SEMA6D: variants seen among roughly 807,000 people sequenced by gnomAD.
SEMA6D encodes semaphorin 6D.
Under a neutral mutation model 106.6 loss-of-function variants are expected in SEMA6D, and 35 were observed. That is an observed-to-expected ratio of 0.33 (90% confidence interval 0.25 to 0.44). The LOEUF (loss-of-function observed/expected upper bound fraction) is 0.44. SEMA6D is among the 20% of genes least tolerant of loss of function. The pLI is 1.00. For missense variants in SEMA6D, 1,185 were observed against 1,345.9 expected (o/e 0.88, Z 1.87); for synonymous variants, 499 against 487.7 (o/e 1.02, Z -0.31).
At chr15:47,417,948 G>T (rs186095663) in intron 2 of SEMA6D, among the ~76,000 whole-genome samples, 7 of 151,948 alleles carry the variant, frequency 4.6e-5, no homozygotes, top group African/African-American at 1.4e-4. Flanking sequence ...CTGCATTCAA[G>T]GAAGTTAATT....
At chr15:47,385,992 A>G (rs868115785) in intron 1 of SEMA6D, among the ~76,000 whole-genome samples, 1 of 152,178 alleles carries the variant, frequency 6.6e-6, no homozygotes, top group African/African-American at 2.4e-5. Context: ...CTGGGCTTTA[A>G]TTTTCTTCTC....
At chr15:47,540,132 C>G (rs981286191) in intron 3 of SEMA6D, among the ~76,000 whole-genome samples, 2 of 152,046 alleles carry the variant, frequency 1.3e-5, no homozygotes, top group African/African-American at 4.8e-5. Flanking sequence ...ACACTTCAAA[C>G]TATGTAATGA....
intron 4 of SEMA6D, among the ~76,000 whole-genome samples, chr15:47,637,304 TG>T (rs978088945): frequency 2.0e-5 from 3 of 152,190 alleles, no homozygotes; most frequent in Admixed American, 2.0e-4. Flanking sequence ...CTGGTAAATG[TG>T]GGTTTTGAAT....
chr15:47,711,737 A>G (rs888262057), intron 4 of SEMA6D, among the ~76,000 whole-genome samples: 1 of 152,234 alleles, frequency 6.6e-6, no homozygotes, highest in Non-Finnish European at 1.5e-5. Context: ...AATGTCCATA[A>G]TAGTAAACAT....
intron 1 of SEMA6D, among the ~76,000 whole-genome samples, chr15:47,389,621 A>G (rs1022807508): frequency 2.0e-5 from 3 of 152,220 alleles, no homozygotes; most frequent in African/African-American, 7.2e-5. Flanking sequence ...TAAAGTAATG[A>G]TTAAGTAACT....
intron 1 of SEMA6D, among the ~76,000 whole-genome samples, chr15:47,197,297 C>T (rs1894425185): frequency 6.6e-6 from 1 of 152,154 alleles, no homozygotes; most frequent in South Asian, 2.1e-4. Context: ...CCAAACTTAA[C>T]TGGTTCTCTG....
chr15:47,567,103 G>A (rs1205494586), intron 3 of SEMA6D, among the ~76,000 whole-genome samples: 1 of 152,182 alleles, frequency 6.6e-6, no homozygotes, highest in Non-Finnish European at 1.5e-5. Flanking sequence ...AATATAGGCA[G>A]GTCTTAAAGT....
upstream of SEMA6D, among the ~76,000 whole-genome samples, chr15:47,716,287 T>C (rs75776531): frequency 0.03 from 4,531 of 152,252 alleles, 227 homozygotes; most frequent in African/African-American, 0.1. Context: ...TCCGGATGAG[T>C]CCTGCAGCAG....
intron 4 of SEMA6D, among the ~76,000 whole-genome samples, chr15:47,618,431 T>C (rs1279315463): frequency 6.6e-6 from 1 of 152,214 alleles, no homozygotes; most frequent in East Asian, 1.9e-4. Context: ...CAGAAGAGAC[T>C]TGCCTGTGGC....
At chr15:47,258,480 A>G (rs553480694) in intron 1 of SEMA6D, among the ~76,000 whole-genome samples, 4 of 152,276 alleles carry the variant, frequency 2.6e-5, no homozygotes, top group South Asian at 4.1e-4. Context: ...TCAGGACCCA[A>G]ATAGAACAAA....
intron 4 of SEMA6D, among the ~76,000 whole-genome samples, chr15:47,613,658 T>G (rs990636046): frequency 6.6e-6 from 1 of 152,116 alleles, no homozygotes; most frequent in African/African-American, 2.4e-5. Flanking sequence ...TTTAATTTTT[T>G]TTTTTGAGAC....
intron 1 of SEMA6D, among the ~76,000 whole-genome samples, chr15:47,233,089 G>A (rs1595782643): frequency 1.3e-5 from 2 of 151,958 alleles, no homozygotes; most frequent in South Asian, 2.1e-4. Flanking sequence ...TTTGCATTTA[G>A]GTAATTAATC....
intron 3 of SEMA6D, among the ~76,000 whole-genome samples, chr15:47,551,134 T>C (rs1049856246): frequency 6.6e-6 from 1 of 152,190 alleles, no homozygotes; most frequent in African/African-American, 2.4e-5. Flanking sequence ...TTCAAACTTA[T>C]TTCTGTCTTG....
chr15:47,624,118 T>C (rs1479766934), intron 4 of SEMA6D, among the ~76,000 whole-genome samples: 1 of 152,192 alleles, frequency 6.6e-6, no homozygotes, highest in East Asian at 1.9e-4. Context: ...TGTCCTCACC[T>C]TCAGACCTTT....
intron 2 of SEMA6D, among the ~76,000 whole-genome samples, chr15:47,456,124 A>G (rs2042339012): frequency 6.6e-6 from 1 of 151,946 alleles, no homozygotes; most frequent in African/African-American, 2.4e-5. Context: ...CAATTAGGAT[A>G]TAGAACCAGC....
At chr15:47,305,351 T>A (rs1298133340) in intron 1 of SEMA6D, among the ~76,000 whole-genome samples, 1 of 152,166 alleles carries the variant, frequency 6.6e-6, no homozygotes, top group Non-Finnish European at 1.5e-5. Flanking sequence ...TGATTAGGAA[T>A]ATCTATAGAG....
At chr15:47,198,604 A>C (rs1894517225) in intron 1 of SEMA6D, among the ~76,000 whole-genome samples, 1 of 152,124 alleles carries the variant, frequency 6.6e-6, no homozygotes, top group Non-Finnish European at 1.5e-5. Flanking sequence ...TCCCAAGTGA[A>C]TCTTTCACAC....
chr15:47,252,730 C>T (rs2033592242), intron 1 of SEMA6D, among the ~76,000 whole-genome samples: 1 of 152,176 alleles, frequency 6.6e-6, no homozygotes, highest in Non-Finnish European at 1.5e-5. Context: ...CAGGATTTCA[C>T]ACCCTTTTAT....
chr15:47,442,934 C>T (rs1021717840), intron 2 of SEMA6D, among the ~76,000 whole-genome samples: 7 of 152,142 alleles, frequency 4.6e-5, no homozygotes, highest in African/African-American at 1.7e-4. Flanking sequence ...CCCCTTCCCT[C>T]TAAGCCTTAA....
Sources: allele counts gnomAD v4.1 joint callset (sites outside exome capture counted in the v4.1 genomes callset), GRCh38; gene constraint gnomAD v4.1.1; transcripts MANE v1.5; gene names NCBI Gene and HGNC (gene_info 2026-07-23, HGNC 2026-07-21).